The following SLC17A8 variants were observed in gnomAD, a reference collection of about 807,000 sequenced individuals.
SLC17A8 encodes solute carrier family 17 member 8, also known as vesicular glutamate transporter 3.
Under a neutral mutation model 58.0 loss-of-function variants are expected in SLC17A8, and 31 were observed. The ratio of observed to expected loss-of-function variants is 0.53; its 90% CI spans 0.40 to 0.72. The LOEUF (loss-of-function observed/expected upper bound fraction) is 0.72. Ranked by LOEUF, SLC17A8 falls within the 30% of genes least tolerant of loss-of-function variation. The pLI, the probability that SLC17A8 is intolerant of heterozygous loss-of-function variation, is 0.00. For missense variants in SLC17A8, 655 were observed against 727.8 expected, an observed-to-expected ratio of 0.90 and a Z score of 1.15; for synonymous variants, 228 against 249.0, an observed-to-expected ratio of 0.92 and a Z score of 0.79.
chr12:100,410,392 G>A (rs1952858293), intron 9 of SLC17A8, among the ~76,000 whole-genome samples: 1 of 152,072 alleles, frequency 6.6e-6, no homozygotes. Context: ...CTACTCAGGA[G>A]GCTGAGGCAG....
intron 9 of SLC17A8, among the ~76,000 whole-genome samples, chr12:100,408,919 T>A (rs1306031139): frequency 6.6e-6 from 1 of 152,226 alleles, no homozygotes; most frequent in East Asian, 1.9e-4. Context: ...ATATAAAGCC[T>A]ATAGTTTTAA....
chr12:100,360,149 G>C (rs1191479410), intron 1 of SLC17A8, among the ~76,000 whole-genome samples: 2 of 152,166 alleles, frequency 1.3e-5, no homozygotes, highest in Admixed American at 6.5e-5. Flanking sequence ...AAGCAGCTGA[G>C]CAATTAATCA....
At chr12:100,404,502 G>GCACA (rs4015906) in intron 9 of SLC17A8, 2,427 of 232,958 alleles carry the variant, frequency 0.01, 40 homozygotes, top group African/African-American at 0.04. Flanking sequence ...TGGGATATAT[G>GCACA]CACACACACA....
Position 100,402,465 on chromosome 12 carries a change from G to A in SLC17A8, c.889G>A (p.Val297Met), listed in dbSNP as rs1952798602. ...IETSIGEGAN[V>M]VSLSKFSTPW... ...GACAAGCATAGGAGAGGGGGCCAAC[G>A]TGGTTAGTCTAAGTGTAAGTATAAA... Residue 297 changes from valine to methionine, a missense_variant, in exon 7 of 12, where the codon GTG becomes ATG. Transcript: ENST00000323346. 2.5e-6 allele frequency: 4 copies of A among 1,613,948 alleles called. No homozygotes were observed. Among genetic ancestry groups the A allele is most frequent in the East Asian group, 2.2e-5 (1 of 44,882 alleles).
chr12:100,414,043 G>A (rs565446035), intron 10 of SLC17A8, among the ~76,000 whole-genome samples: 2 of 152,130 alleles, frequency 1.3e-5, no homozygotes, highest in East Asian at 3.9e-4. Context: ...CACATATATT[G>A]TATATATATC....
chr12:100,367,987 A>C (rs1271337204), intron 1 of SLC17A8, among the ~76,000 whole-genome samples: 2 of 152,206 alleles, frequency 1.3e-5, no homozygotes, highest in Admixed American at 6.5e-5. Flanking sequence ...ATTTTGTTTA[A>C]GTTTCCAAGA....
At chr12:100,400,692 A>G (rs1469256708) in intron 5 of SLC17A8, among the ~76,000 whole-genome samples, 1 of 152,080 alleles carries the variant, frequency 6.6e-6, no homozygotes, top group Admixed American at 6.6e-5. Flanking sequence ...CTGAAGCAAG[A>G]GTTTTTTCAT....
intron 2 of SLC17A8, among the ~76,000 whole-genome samples, chr12:100,389,000 C>T (rs1211733043): frequency 2.6e-5 from 4 of 152,104 alleles, no homozygotes; most frequent in Non-Finnish European, 5.9e-5. Flanking sequence ...GGTGCCATGG[C>T]TGTGGGACCA....
intron 4 of SLC17A8, among the ~76,000 whole-genome samples, chr12:100,393,897 G>A (rs1193789260): frequency 6.6e-6 from 1 of 152,190 alleles, no homozygotes; most frequent in African/African-American, 2.4e-5. Context: ...GCATGATATG[G>A]AGCCAGAAGG....
chr12:100,417,714 G>A (rs1313497738), intron 10 of SLC17A8, among the ~76,000 whole-genome samples: 1 of 152,194 alleles, frequency 6.6e-6, no homozygotes. Flanking sequence ...CTGAATAAAT[G>A]TGATTCAGGC....
chr12:100,365,840 G>A (rs1371565319), intron 1 of SLC17A8, among the ~76,000 whole-genome samples: 1 of 152,160 alleles, frequency 6.6e-6, no homozygotes, highest in African/African-American at 2.4e-5. Context: ...ATAGATCAAT[G>A]TGATGTTCTG....
intron 9 of SLC17A8, among the ~76,000 whole-genome samples, chr12:100,409,750 A>G (rs2136012261): frequency 6.6e-6 from 1 of 152,328 alleles, no homozygotes; most frequent in African/African-American, 2.4e-5. Context: ...AGAGAAGAGT[A>G]TCCCAGGTAA....
At chr12:100,412,408 G>C (rs546261910) in intron 9 of SLC17A8, among the ~76,000 whole-genome samples, 18 of 151,838 alleles carry the variant, frequency 1.2e-4, no homozygotes, top group Non-Finnish European at 2.6e-4. Context: ...CACACACTGG[G>C]GCCTGCTAGG....
chr12:100,418,272 T>C, intron 11 of SLC17A8, 116 bp downstream of exon 11: 1 of 1,298,762 alleles, frequency 7.7e-7, no homozygotes, highest in South Asian at 1.2e-5. Flanking sequence ...TGACCTTGAC[T>C]GAGTCAGCTG....
chr12:100,406,036 CTTCT>C (rs1566401947), intron 9 of SLC17A8, among the ~76,000 whole-genome samples: 1 of 152,136 alleles, frequency 6.6e-6, no homozygotes, highest in Non-Finnish European at 1.5e-5. Context: ...AAGCCTCACC[CTTCT>C]AATGATAAAA....
chr12:100,376,941 C>T (rs1304549324), intron 1 of SLC17A8, among the ~76,000 whole-genome samples: 1 of 152,098 alleles, frequency 6.6e-6, no homozygotes, highest in Non-Finnish European at 1.5e-5. Context: ...TCCGGAGTAG[C>T]TGGGACTACA....
chr12:100,375,533 A>G (rs1214209529), intron 1 of SLC17A8, among the ~76,000 whole-genome samples: 1 of 152,218 alleles, frequency 6.6e-6, no homozygotes, highest in Non-Finnish European at 1.5e-5. Flanking sequence ...TCTTGGCAGA[A>G]TAACAGCCTG....
chr12:100,387,278 T>C (rs1952682617), intron 2 of SLC17A8, among the ~76,000 whole-genome samples: 1 of 152,204 alleles, frequency 6.6e-6, no homozygotes, highest in Non-Finnish European at 1.5e-5. Flanking sequence ...CTTTTGTTTT[T>C]GATAATGGTC....
At chr12:100,374,838 A>C (rs538397984) in intron 1 of SLC17A8, among the ~76,000 whole-genome samples, 4 of 152,142 alleles carry the variant, frequency 2.6e-5, no homozygotes, top group African/African-American at 7.2e-5. Context: ...GAAAAGTGAG[A>C]TCCTGTGCTC....
Sources: gnomAD v4.1 joint callset for allele counts (sites outside exome capture counted in the v4.1 genomes callset) on GRCh38, gnomAD v4.1.1 for gene constraint, MANE v1.5 for transcripts, NCBI Gene and HGNC (gene_info 2026-07-23, HGNC 2026-07-21) for gene names.